The following ATXN1 variants were observed in gnomAD, a reference collection of about 807,000 sequenced individuals.
The protein encoded by ATXN1 is ataxin 1, also known as ataxin-1.
A neutral mutation model predicts 56.4 loss-of-function variants in ATXN1; 8 were observed. That is an observed-to-expected ratio of 0.14 (90% CI 0.08 to 0.26). The LOEUF (loss-of-function observed/expected upper bound fraction) is 0.26. ATXN1 is among the 10% of genes least tolerant of loss of function. The probability of loss-of-function intolerance (pLI) is 1.00; values close to 1 mark genes in which losing one functional copy is unlikely to be tolerated. For missense variants in ATXN1, 987 were observed against 1,106.5 expected, an observed-to-expected ratio of 0.89 and a Z score of 1.53; for synonymous variants, 514 against 494.6, an observed-to-expected ratio of 1.04 and a Z score of -0.52.
At chr6:16,515,737 T>C (rs1038022123) in intron 5 of ATXN1, among the ~76,000 whole-genome samples, 1 of 152,124 alleles carries the variant, frequency 6.6e-6, no homozygotes, top group East Asian at 1.9e-4. Flanking sequence ...TGGAAGCCCC[T>C]CTTCGTTGAT....
intron 6 of ATXN1, among the ~76,000 whole-genome samples, chr6:16,402,498 A>G (rs1369042819): frequency 6.6e-6 from 1 of 152,156 alleles, no homozygotes; most frequent in Non-Finnish European, 1.5e-5. Flanking sequence ...CAACACGAAC[A>G]CAACCCACAA....
chr6:16,365,458 A>G (rs902895106), intron 6 of ATXN1, among the ~76,000 whole-genome samples: 1 of 152,200 alleles, frequency 6.6e-6, no homozygotes, highest in African/African-American at 2.4e-5. Context: ...GATTACAGGC[A>G]TTGAGCCACT....
intron 6 of ATXN1, among the ~76,000 whole-genome samples, chr6:16,336,613 A>G (rs992475269): frequency 6.6e-6 from 1 of 152,176 alleles, no homozygotes; most frequent in Non-Finnish European, 1.5e-5. Flanking sequence ...GAGCACTAAC[A>G]TGCTTTTGAA....
At chr6:16,394,916 T>C (rs561416234) in intron 6 of ATXN1, among the ~76,000 whole-genome samples, 1 of 152,320 alleles carries the variant, frequency 6.6e-6, no homozygotes, top group Non-Finnish European at 1.5e-5. Flanking sequence ...AACAGTAGCA[T>C]GTTGGAGCCA....
At chr6:16,612,726 A>G (rs1275249753) in intron 3 of ATXN1, among the ~76,000 whole-genome samples, 1 of 151,920 alleles carries the variant, frequency 6.6e-6, no homozygotes, top group African/African-American at 2.4e-5. Flanking sequence ...CTCCATCTGT[A>G]CTAAAAATAC....
rs565950410 is a variant in ATXN1, at chr6:16,428,720, C to T, written c.-161+57252G>A. On this transcript the variant is annotated intron_variant, in intron 6 of 7. Coordinates refer to ENST00000436367, the MANE Select transcript of ATXN1 (RefSeq NM_001128164.2). ...ACCCAGGCTGGCTCACTCCAGCTAA[C>T]ACCCAACCATCACATGCAGGGCCAC... Among the ~76,000 whole-genome samples the T allele has an allele frequency of 1.1e-4, 17 of 152,280 alleles. 1 individual carries two copies. The South Asian group carries it at 3.3e-3, about 30-fold the overall frequency.
intron 6 of ATXN1, among the ~76,000 whole-genome samples, chr6:16,378,418 AGG>A (rs1370177319): frequency 6.6e-6 from 1 of 152,208 alleles, no homozygotes; most frequent in Non-Finnish European, 1.5e-5. Flanking sequence ...AGGCTCATGT[AGG>A]TTAAGGGAAG....
Position 16,327,915 on chromosome 6 carries a change from G to T in ATXN1, c.396C>A (p.Ser132=). ...HLPHTFQFIG[S]SQYSGTYASF... is the part of the protein sequence containing the mutation. ...TGGCATAGGTTCCACTGTATTGGGA[G>T]GACCCAATGAACTGGAAGGTGTGCG... The change falls in exon 7 of 8, where the codon TCC becomes TCA. Residue 132 remains serine, a synonymous_variant. Coordinates refer to ENST00000436367, the MANE Select transcript of ATXN1 (RefSeq NM_001128164.2). The T allele has an allele frequency of 6.2e-7, 1 of 1,609,986 alleles. No homozygotes were observed. Among genetic ancestry groups the T allele is most frequent in the Non-Finnish European group, 8.5e-7 (1 of 1,179,934 alleles).
chr6:16,350,810 T>C (rs1488082065), intron 6 of ATXN1, among the ~76,000 whole-genome samples: 1 of 152,134 alleles, frequency 6.6e-6, no homozygotes, highest in African/African-American at 2.4e-5. Flanking sequence ...TGGCTGGGTG[T>C]GGTGGCTCAC....
rs70999325 is a variant in ATXN1 at position 16,443,208 on chromosome 6, CAAAAAAAAAA to C, written c.-161+42754_-161+42763del. 1.4e-3 allele frequency among the ~76,000 whole-genome samples: 59 copies of C among 40,776 alleles called. 1 individual carries two copies. The South Asian group carries it at 0.016, about 11-fold the overall frequency. 26.8% of individuals were successfully genotyped at this position (40,776 alleles called of 152,430 possible). A position where few individuals can be genotyped will look rare whatever the true frequency, so the allele number is the denominator to read the frequency against. On this transcript the variant is annotated intron_variant, in intron 6 of 7. Coordinates refer to ENST00000436367, the MANE Select transcript of ATXN1 (RefSeq NM_001128164.2). ...AAATAAATAAATAAATCTATTGGAG[CAAAAAAAAAA>C]AAAAAAAAAAAAAAACCTACCTAAA...
In ATXN1 at chr6:16,657,854, A is replaced by AGAT. The variant is rs1758238142; in HGVS notation, c.-568_-567insATC. The AGAT allele has an allele frequency of 6.6e-6, 1 of 152,226 alleles. No individual in the cohort carries two copies. The highest frequency in any genetic ancestry group is 1.5e-5 in the Non-Finnish European group (1 of 68,040). The allele number at this position is 152,226 out of a possible 1,614,324, so 9.4% of individuals were successfully genotyped here. A position where few individuals can be genotyped will look rare whatever the true frequency, so the allele number is the denominator to read the frequency against. ...TCTCTTGTTCCTGGTCTGCAGCAGCACTAAGTTTGAAGCTTCAAAATAGAC... is the reference window on the plus strand; with the variant it reads ...TCTCTTGTTCCTGGTCTGCAGCAGCAGATCTAAGTTTGAAGCTTCAAAATAGAC... On this transcript the variant is annotated 5_prime_UTR_variant, in exon 3 of 8. Transcript: ENST00000436367.
At chr6:16,428,468 G>C (rs2113577036) in intron 6 of ATXN1, among the ~76,000 whole-genome samples, 1 of 147,742 alleles carries the variant, frequency 6.8e-6, no homozygotes, top group South Asian at 2.5e-4. Context: ...AGTAATTGTG[G>C]TTTTTGCCAT....
At chr6:16,607,566 A>T (rs1306574150) in intron 3 of ATXN1, among the ~76,000 whole-genome samples, 1 of 152,174 alleles carries the variant, frequency 6.6e-6, no homozygotes, top group Admixed American at 6.5e-5. Context: ...ATCCAAAGGG[A>T]AGTTCTAAGA....
intron 6 of ATXN1, among the ~76,000 whole-genome samples, chr6:16,457,083 T>C (rs1436483628): frequency 6.6e-6 from 1 of 152,188 alleles, no homozygotes; most frequent in Admixed American, 6.5e-5. Context: ...ATTATCTTTA[T>C]AGTACAAGGG....
intron 6 of ATXN1, among the ~76,000 whole-genome samples, chr6:16,445,635 C>G (rs1449074752): frequency 6.6e-6 from 1 of 151,082 alleles, no homozygotes; most frequent in Non-Finnish European, 1.5e-5. Flanking sequence ...ACCTCGTCAT[C>G]TAGCATTAGG....
chr6:16,610,239 GAAGA>G (rs1159662017), intron 3 of ATXN1, among the ~76,000 whole-genome samples: 1 of 151,154 alleles, frequency 6.6e-6, no homozygotes, highest in African/African-American at 2.4e-5. Context: ...TTTCTAAACT[GAAGA>G]AATACAGAGT....
intron 6 of ATXN1, among the ~76,000 whole-genome samples, chr6:16,477,965 T>C (rs1038233192): frequency 5.9e-5 from 9 of 152,232 alleles, no homozygotes; most frequent in Admixed American, 3.9e-4. Context: ...AACTCCCTTC[T>C]GACCCTCTCG....
At chr6:16,673,196 A>G (rs1758584275) in intron 2 of ATXN1, among the ~76,000 whole-genome samples, 1 of 151,938 alleles carries the variant, frequency 6.6e-6, no homozygotes, top group Non-Finnish European at 1.5e-5. Flanking sequence ...GCTTTAAGCC[A>G]CAAAGTTCCT....
At chr6:16,641,799 T>G (rs1763710783) in intron 3 of ATXN1, among the ~76,000 whole-genome samples, 1 of 152,186 alleles carries the variant, frequency 6.6e-6, no homozygotes, top group Admixed American at 6.5e-5. Flanking sequence ...CTGGGAAAAG[T>G]AAATTGAAAA....
Sources: allele counts gnomAD v4.1 joint callset (sites outside exome capture counted in the v4.1 genomes callset), GRCh38; gene constraint gnomAD v4.1.1; transcripts MANE v1.5; gene names NCBI Gene and HGNC (gene_info 2026-07-23, HGNC 2026-07-21).